The following IMPG1 variants were observed in gnomAD, a reference collection of about 807,000 sequenced individuals.
IMPG1 encodes interphotoreceptor matrix proteoglycan 1.
IMPG1 carries 85 observed loss-of-function variants against 92.0 expected under a neutral mutation model. The ratio of observed to expected loss-of-function variants is 0.92; its 90% CI spans 0.78 to 1.11. The LOEUF (loss-of-function observed/expected upper bound fraction) is 1.11. IMPG1 is among the 50% of genes least tolerant of loss of function. The probability of loss-of-function intolerance (pLI) is 0.00; values close to 1 mark genes in which losing one functional copy is unlikely to be tolerated. For missense variants in IMPG1, 1,022 were observed against 956.0 expected (o/e 1.07, Z -0.91); for synonymous variants, 367 against 334.1 (o/e 1.10, Z -1.08).
chr6:75,922,252 A>G (rs1781442537), intron 16 of IMPG1, 86 bp from the exon 17 acceptor site: 1 of 629,822 alleles, frequency 1.6e-6, no homozygotes, highest in Admixed American at 2.8e-5. Context: ...CCACTGGTAG[A>G]TAAGAGGATG....
At chr6:75,943,491 C>A (rs930950355) in intron 14 of IMPG1, among the ~76,000 whole-genome samples, 1 of 152,212 alleles carries the variant, frequency 6.6e-6, no homozygotes. Context: ...GCTGGCTCCC[C>A]TTTGCCTTTT....
In IMPG1 at chr6:75,921,121, A is replaced by C. The variant is rs886510515; in HGVS notation, c.*968T>G. 6.6e-6 allele frequency: 1 copy of C among 152,244 alleles called. No homozygotes were observed. Among genetic ancestry groups the C allele is most frequent in the Non-Finnish European group, 1.5e-5 (1 of 68,046 alleles). 9.4% of individuals were successfully genotyped at this position (152,244 alleles called of 1,614,324 possible). A position where few individuals can be genotyped will look rare whatever the true frequency, so the allele number is the denominator to read the frequency against. ...GGCTCATTAAAAAACCTATGAGTAT[A>C]TCACTTTTACTTTATTGAAATTAAG... On this transcript the variant is annotated 3_prime_UTR_variant, in exon 17 of 17. Coordinates refer to ENST00000369950, the MANE Select transcript of IMPG1 (RefSeq NM_001563.4).
chr6:76,006,548 G>A, intron 9 of IMPG1, among the ~76,000 whole-genome samples: 1 of 148,208 alleles, frequency 6.7e-6, no homozygotes, highest in East Asian at 2.0e-4. Flanking sequence ...GTGTGTATGT[G>A]TATATATATA....
chr6:75,931,062 A>G lies in IMPG1; in HGVS notation c.2134T>C (p.Cys712Arg), dbSNP rs1241174108. Residue 712 changes from cysteine to arginine, a missense_variant, in exon 15 of 17, where the codon TGC becomes CGC. Around this residue, in one of 3 missense-constraint regions of IMPG1, gnomAD observed 332 missense variants for 346.2 expected, o/e 0.96. Coordinates refer to ENST00000369950, the MANE Select transcript of IMPG1 (RefSeq NM_001563.4). ...CCCTGGCTGTCATATCCTGGTTTGC[A>G]GCGACACTCCGCTTCCTCAGTCCGT... ...NERTEEAECR[C>R]KPGYDSQGSL... 2.5e-6 allele frequency: 4 copies of G among 1,614,182 alleles called. No homozygotes were observed. The Admixed American group carries it at 6.7e-5, about 27-fold the overall frequency.
chr6:75,964,675 C>CAAAAAA (rs75154439), intron 12 of IMPG1, among the ~76,000 whole-genome samples: 39 of 81,728 alleles, frequency 4.8e-4, no homozygotes, highest in African/African-American at 1.6e-3. Flanking sequence ...AGACTAGTCT[C>CAAAAAA]AAAAAAAAAA....
At chr6:76,020,047 T>A (rs1783389559) in intron 6 of IMPG1, among the ~76,000 whole-genome samples, 2 of 152,134 alleles carry the variant, frequency 1.3e-5, no homozygotes. Context: ...ATATTTTATT[T>A]ATTTCTTTTA....
intron 12 of IMPG1, among the ~76,000 whole-genome samples, chr6:75,955,321 TC>T (rs1229888502): frequency 2.0e-5 from 3 of 152,168 alleles, no homozygotes; most frequent in Admixed American, 1.3e-4. Context: ...CTTGAAGAGG[TC>T]CTCCACATCC....
intron 14 of IMPG1, among the ~76,000 whole-genome samples, chr6:75,939,218 C>G (rs1373262048): frequency 6.6e-6 from 1 of 152,094 alleles, no homozygotes; most frequent in Non-Finnish European, 1.5e-5. Context: ...TAAAATTATA[C>G]TTTAAGTTTT....
chr6:76,016,197 G>A lies in IMPG1; in HGVS notation c.807+2521C>T, dbSNP rs962730484. Among the ~76,000 whole-genome samples the A allele has an allele frequency of 4.6e-5, 7 of 152,330 alleles. No homozygotes were observed. In the East Asian group the frequency reaches 7.7e-4, roughly 17 times the overall value. On this transcript the variant is annotated intron_variant, in intron 7 of 16. Coordinates refer to ENST00000369950, the MANE Select transcript of IMPG1 (RefSeq NM_001563.4). ...TCTTCTACAATTTCTAAGCAAGGAA[G>A]TTAGGCCAGGGATCTCCAATTTCTC...
chr6:75,993,320 T>C (rs1440625027), intron 12 of IMPG1, among the ~76,000 whole-genome samples: 1 of 152,106 alleles, frequency 6.6e-6, no homozygotes, highest in Non-Finnish European at 1.5e-5. Context: ...GATCAATGAC[T>C]CAAACAATGG....
At chr6:75,928,684 A>C (rs576690226) in intron 15 of IMPG1, 3 of 152,104 alleles carry the variant, frequency 2.0e-5, no homozygotes, top group South Asian at 4.2e-4. Context: ...CTGGACCTCA[A>C]TTTCACTCCA....
intron 12 of IMPG1, among the ~76,000 whole-genome samples, chr6:75,955,765 A>G (rs1788758920): frequency 6.6e-6 from 1 of 152,188 alleles, no homozygotes; most frequent in South Asian, 2.1e-4. Flanking sequence ...TTATTTTGAG[A>G]TAGGTTCCAT....
intron 1 of IMPG1, among the ~76,000 whole-genome samples, chr6:76,055,423 T>G (rs762474808): frequency 6.6e-6 from 1 of 151,908 alleles, no homozygotes; most frequent in Admixed American, 6.6e-5. Context: ...AATGGTAAAA[T>G]GATATCATCA....
chr6:76,061,348 A>C (rs986503178), intron 1 of IMPG1, among the ~76,000 whole-genome samples: 3 of 152,216 alleles, frequency 2.0e-5, no homozygotes, highest in Non-Finnish European at 4.4e-5. Context: ...TTTGAATGAC[A>C]CTGACTTGAG....
chr6:76,025,269 A>T lies in IMPG1; in HGVS notation c.498-11T>A. 6.6e-7 allele frequency: 1 copy of T among 1,504,216 alleles called. No individual in the cohort carries two copies. Among genetic ancestry groups the T allele is most frequent in the Non-Finnish European group, 9.2e-7 (1 of 1,088,574 alleles). The allele number at this position is 1,504,216 out of a possible 1,614,324, so 93.2% of individuals were successfully genotyped here. On this transcript the variant is annotated splice_polypyrimidine_tract_variant and intron_variant, in intron 4 of 16. Coordinates refer to ENST00000369950, the MANE Select transcript of IMPG1 (RefSeq NM_001563.4). ...GATATTTCATCTTTTCTATTAGTACAATAGAAAAGAAGGAAGAGGTGGTGA... is the reference window on the plus strand; with the variant it reads ...GATATTTCATCTTTTCTATTAGTACTATAGAAAAGAAGGAAGAGGTGGTGA...
intron 12 of IMPG1, among the ~76,000 whole-genome samples, chr6:75,969,939 T>TA (rs149094727): frequency 0.03 from 4,511 of 152,312 alleles, 102 homozygotes; most frequent in Non-Finnish European, 0.046. Context: ...GTAATAAATT[T>TA]AATTCCTAAG....
intron 15 of IMPG1, among the ~76,000 whole-genome samples, chr6:75,930,113 A>G (rs1036101413): frequency 1.3e-5 from 2 of 152,212 alleles, no homozygotes; most frequent in Non-Finnish European, 2.9e-5. Flanking sequence ...ATAACACTCT[A>G]AAGTCTGGTT....
At chr6:75,974,742 C>G (rs1782507894) in intron 12 of IMPG1, among the ~76,000 whole-genome samples, 1 of 152,082 alleles carries the variant, frequency 6.6e-6, no homozygotes, top group African/African-American at 2.4e-5. Flanking sequence ...TCTCAAACTC[C>G]TGACCTCTGG....
At chr6:76,064,972 T>C (rs1784282859) in intron 1 of IMPG1, among the ~76,000 whole-genome samples, 2 of 152,114 alleles carry the variant, frequency 1.3e-5, no homozygotes, top group South Asian at 4.1e-4. Context: ...GGAACTCATA[T>C]AGAGTCATTG....
Sources: gnomAD v4.1 joint callset for allele counts (sites outside exome capture counted in the v4.1 genomes callset) on GRCh38, gnomAD v4.1.1 for gene constraint, gnomAD v4.1.1 regional missense constraint, MANE v1.5 for transcripts, NCBI Gene and HGNC (gene_info 2026-07-23, HGNC 2026-07-21) for gene names.